The following RFFL variants were observed in gnomAD, a reference collection of about 807,000 sequenced individuals.
The protein encoded by RFFL is ring finger and FYVE like domain containing E3 ubiquitin protein ligase, also known as E3 ubiquitin-protein ligase rififylin.
Under a neutral mutation model 40.4 loss-of-function variants are expected in RFFL, and 16 were observed. The ratio of observed to expected loss-of-function variants is 0.40; its 90% CI spans 0.27 to 0.60. RFFL has a LOEUF of 0.60. Ranked by LOEUF, RFFL falls within the 20% of genes least tolerant of loss-of-function variation. The pLI is 0.47. For synonymous variants in RFFL, 154 were observed against 167.9 expected, an observed-to-expected ratio of 0.92 and a Z score of 0.64; for missense variants, 367 against 451.7, an observed-to-expected ratio of 0.81 and a Z score of 1.70.
chr17:35,071,626 A>C (rs948243209), intron 1 of RFFL, among the ~76,000 whole-genome samples: 3 of 152,152 alleles, frequency 2.0e-5, no homozygotes, highest in African/African-American at 7.2e-5. Context: ...TGTCCAAAAA[A>C]AAAAAAAGTT....
At chr17:35,057,576 T>A (rs1039883762) in intron 1 of RFFL, among the ~76,000 whole-genome samples, 1 of 150,590 alleles carries the variant, frequency 6.6e-6, no homozygotes, top group Non-Finnish European at 1.5e-5. Flanking sequence ...GTCAGGTAAC[T>A]CCCAAAAGTG....
chr17:35,079,325 T>C (rs1052404357), intron 1 of RFFL, among the ~76,000 whole-genome samples: 1 of 152,198 alleles, frequency 6.6e-6, no homozygotes, highest in African/African-American at 2.4e-5. Flanking sequence ...CCCAACCTGT[T>C]TGTGTTGTTT....
intron 1 of RFFL, among the ~76,000 whole-genome samples, chr17:35,056,225 G>A (rs1316484532): frequency 1.3e-5 from 2 of 152,068 alleles, no homozygotes; most frequent in Non-Finnish European, 2.9e-5. Flanking sequence ...CTGCAAGCGT[G>A]GTAGCCTGAC....
At chr17:35,076,600 C>T (rs894191498) in intron 1 of RFFL, 2 of 151,268 alleles carry the variant, frequency 1.3e-5, no homozygotes, top group Non-Finnish European at 2.9e-5. Context: ...ATTGCTTGAA[C>T]CCGGGAGGCG....
At chr17:35,039,674 T>C (rs947104403) in intron 1 of RFFL, among the ~76,000 whole-genome samples, 1 of 152,034 alleles carries the variant, frequency 6.6e-6, no homozygotes, top group African/African-American at 2.4e-5. Context: ...CTCCAAATAT[T>C]TGACTCCACT....
At chr17:35,077,770 A>G (rs997770429) in intron 1 of RFFL, among the ~76,000 whole-genome samples, 2 of 152,242 alleles carry the variant, frequency 1.3e-5, no homozygotes, top group Admixed American at 6.5e-5. Context: ...TTCATCAGCT[A>G]TCATTAGTGT....
intron 1 of RFFL, among the ~76,000 whole-genome samples, chr17:35,056,426 G>A (rs1292527782): frequency 7.0e-6 from 1 of 143,066 alleles, no homozygotes; most frequent in East Asian, 2.0e-4. Context: ...TGCCCAGGCT[G>A]GAATGCAGTG....
intron 1 of RFFL, among the ~76,000 whole-genome samples, chr17:35,085,072 G>A (rs1381717424): frequency 1.3e-5 from 2 of 152,194 alleles, no homozygotes; most frequent in African/African-American, 4.8e-5. Context: ...AAATCTCCAG[G>A]AAGTGGGGCT....
At chr17:35,017,002 G>T (rs537393853) in intron 4 of RFFL, among the ~76,000 whole-genome samples, 2 of 152,048 alleles carry the variant, frequency 1.3e-5, no homozygotes, top group Admixed American at 6.5e-5. Context: ...TCCTGTAGAG[G>T]TTAAATATGG....
intron 2 of RFFL, among the ~76,000 whole-genome samples, chr17:35,024,866 C>T (rs1047607012): frequency 3.3e-5 from 5 of 152,200 alleles, no homozygotes; most frequent in African/African-American, 1.2e-4. Context: ...CCTTAATATT[C>T]ACAAAATTCA....
intron 1 of RFFL, among the ~76,000 whole-genome samples, chr17:35,054,155 T>C (rs1269919192): frequency 6.6e-6 from 1 of 152,176 alleles, no homozygotes; most frequent in African/African-American, 2.4e-5. Flanking sequence ...TCCACCCCTG[T>C]CATACCCTTC....
chr17:35,068,709 G>C (rs1482440604), intron 1 of RFFL, among the ~76,000 whole-genome samples: 1 of 152,214 alleles, frequency 6.6e-6, no homozygotes, highest in East Asian at 1.9e-4. Context: ...CTAGGTTCCT[G>C]TATGTCAGTA....
chr17:35,076,957 A>C (rs2091380275), intron 1 of RFFL: 1 of 297,736 alleles, frequency 3.4e-6, no homozygotes, highest in South Asian at 3.9e-5. Flanking sequence ...CTGTGAAAGA[A>C]CACCACCTAA....
At chr17:35,082,880 G>A (rs1348274061) in intron 1 of RFFL, among the ~76,000 whole-genome samples, 1 of 152,138 alleles carries the variant, frequency 6.6e-6, no homozygotes, top group East Asian at 1.9e-4. Context: ...CAGCCAGGAA[G>A]TGGGGGAGTC....
At chr17:35,086,351 T>C (rs1030745359) in intron 1 of RFFL, among the ~76,000 whole-genome samples, 10 of 152,022 alleles carry the variant, frequency 6.6e-5, no homozygotes, top group African/African-American at 2.4e-4. Flanking sequence ...CTGGGCGTAG[T>C]GACGCACATC....
At position 35,009,314 on chromosome 17, in the gene RFFL, T is replaced by A. The variant is rs745934733; in HGVS notation, c.*2654A>T. The stretch of plus-strand genomic sequence containing the variant: ...CTAGTTCCTGTACAGCTTATTCTTA[T>A]TAGTTTGGATCCAACTATTCCAATG... On this transcript the variant is annotated 3_prime_UTR_variant, in exon 7 of 7. Coordinates refer to ENST00000394597, the MANE Select transcript of RFFL (RefSeq NM_001017368.2). 1 of 152,360 alleles carries A rather than the reference T, an allele frequency of 6.6e-6. No individual in the cohort carries two copies. The highest frequency in any genetic ancestry group is 1.5e-5 in the Non-Finnish European group (1 of 68,042). The allele number at this position is 152,360 out of a possible 1,614,324, so 9.4% of individuals were successfully genotyped here.
chr17:35,044,615 A>C (rs1451907616), intron 1 of RFFL, among the ~76,000 whole-genome samples: 1 of 152,182 alleles, frequency 6.6e-6, no homozygotes, highest in Non-Finnish European at 1.5e-5. Flanking sequence ...CTCCATCTCA[A>C]AAAAAATAAA....
rs1484010403 is a variant in RFFL at position 35,011,135 on chromosome 17, C to G, written c.*833G>C. On this transcript the variant is annotated 3_prime_UTR_variant, in exon 7 of 7. Transcript: ENST00000394597. ...ATTAAGGAGAAGGCCACTGCCTCCA[C>G]CCATTGCTTCCCCTTTCCGCATAAA... 6.6e-6 allele frequency: 1 copy of G among 152,200 alleles called. No individual in the cohort carries two copies. The highest frequency in any genetic ancestry group is 2.1e-4 in the South Asian group (1 of 4,836). 9.4% of individuals were successfully genotyped at this position (152,200 alleles called of 1,614,324 possible).
intron 1 of RFFL, chr17:35,069,493 G>C (rs1321666668): frequency 2.8e-6 from 1 of 363,198 alleles, no homozygotes; most frequent in Admixed American, 3.6e-5. Flanking sequence ...GGAAGAGGGA[G>C]AGAAGGCAGA....
Sources: gnomAD v4.1 joint callset for allele counts (sites outside exome capture counted in the v4.1 genomes callset) on GRCh38, gnomAD v4.1.1 for gene constraint, MANE v1.5 for transcripts, NCBI Gene and HGNC (gene_info 2026-07-23, HGNC 2026-07-21) for gene names.